Variants in TCF7L2 observed in about 807,000 individuals in gnomAD.
The protein encoded by TCF7L2 is transcription factor 7-like 2.
Under a neutral mutation model 77.9 loss-of-function variants are expected in TCF7L2, and 23 were observed. The observed-to-expected ratio is 0.30, with a 90% CI of 0.21 to 0.42. TCF7L2 has a LOEUF of 0.42. Ranked by LOEUF, TCF7L2 falls within the 10% of genes least tolerant of loss-of-function variation. The probability of loss-of-function intolerance (pLI) is 1.00; values close to 1 mark genes in which losing one functional copy is unlikely to be tolerated. For missense variants in TCF7L2, 654 were observed against 793.1 expected, an observed-to-expected ratio of 0.82 and a Z score of 2.11; for synonymous variants, 413 against 340.2, an observed-to-expected ratio of 1.21 and a Z score of -2.36.
chr10:113,024,012 C>G (rs1365530032), intron 4 of TCF7L2, among the ~76,000 whole-genome samples: 1 of 151,742 alleles, frequency 6.6e-6, no homozygotes, highest in Non-Finnish European at 1.5e-5. Context: ...GGTGTCCAAC[C>G]TGGTGCTGGG....
In TCF7L2 at chr10:112,964,710, AGATAATGATGAT is replaced by A. The variant is rs1370769709; in HGVS notation, c.450+90_450+101del. 7.1e-6 allele frequency: 7 copies of A among 983,170 alleles called. No individual in the cohort carries two copies. The African/African-American group carries it at 8.4e-5, about 12-fold the overall frequency. The allele number at this position is 983,170 out of a possible 1,614,324, so 60.9% of individuals were successfully genotyped here. A position where few individuals can be genotyped will look rare whatever the true frequency, so the allele number is the denominator to read the frequency against. ...TATTCTCCGCCCCTTCCCCCAACTG[AGATAATGATGAT>A]GATGATGATGATGATGATGGTGGTG... On this transcript the variant is annotated intron_variant, in intron 4 of 13. Transcript: ENST00000627217.
In TCF7L2 at chr10:113,148,356, G is replaced by A. The variant is rs116395684; in HGVS notation, c.875+2259G>A. On this transcript the variant is annotated intron_variant, in intron 8 of 13. Transcript: ENST00000627217. ...AGCGAGATCATGTATAAACCATAAT[G>A]TGGGTGCACCGTGGCTCACAAAAAA... Among the ~76,000 whole-genome samples the A allele has an allele frequency of 1.7e-3, 255 of 152,294 alleles. 1 individual carries two copies. The highest frequency in any genetic ancestry group is 5.8e-3 in the African/African-American group (239 of 41,560).
intron 8 of TCF7L2, among the ~76,000 whole-genome samples, chr10:113,150,534 A>G (rs906838809): frequency 1.3e-5 from 2 of 152,230 alleles, no homozygotes; most frequent in Non-Finnish European, 2.9e-5. Context: ...CTTGCACAGC[A>G]TTGTCAAAAA....
At chr10:112,951,438 G>T in intron 2 of TCF7L2, 45 bp from the exon 3 acceptor site, 1 of 1,364,666 alleles carries the variant, frequency 7.3e-7, no homozygotes, top group Non-Finnish European at 9.7e-7. Context: ...ACTCTCTCCC[G>T]CTCCGCGCGG....
At chr10:113,058,335 G>C (rs940465550) in intron 5 of TCF7L2, among the ~76,000 whole-genome samples, 1 of 152,196 alleles carries the variant, frequency 6.6e-6, no homozygotes, top group African/African-American at 2.4e-5. Flanking sequence ...AGGCCCTTTA[G>C]AGTAGAGATG....
chr10:113,089,248 G>A, intron 5 of TCF7L2: 1 of 904,596 alleles, frequency 1.1e-6, no homozygotes. Context: ...GGAGAGTTCT[G>A]ATTTGTGCTG....
At chr10:113,161,976 C>T (rs1002388518) in intron 13 of TCF7L2, among the ~76,000 whole-genome samples, 2 of 152,234 alleles carry the variant, frequency 1.3e-5, no homozygotes, top group African/African-American at 4.8e-5. Context: ...ACAGCGCTGA[C>T]AGATGTCCCT....
intron 5 of TCF7L2, among the ~76,000 whole-genome samples, chr10:113,068,201 A>T (rs1349611787): frequency 6.6e-6 from 1 of 152,244 alleles, no homozygotes; most frequent in East Asian, 1.9e-4. Flanking sequence ...AAAGTGGCTA[A>T]TGAAGTATAT....
At chr10:113,145,845 CTG>C (rs1240681270) in intron 7 of TCF7L2, among the ~76,000 whole-genome samples, 164 bp from the exon 8 acceptor site, 4 of 152,288 alleles carry the variant, frequency 2.6e-5, no homozygotes, top group East Asian at 3.9e-4. Context: ...TCAAATTGTT[CTG>C]TGTTTCTTCC....
intron 4 of TCF7L2, among the ~76,000 whole-genome samples, chr10:113,000,727 T>C (rs1232463547): frequency 1.3e-5 from 2 of 152,192 alleles, no homozygotes; most frequent in Non-Finnish European, 2.9e-5. Context: ...ATCCTAATTC[T>C]GTGAGAAGGC....
chr10:113,099,823 G>A (rs2061434893), intron 5 of TCF7L2, among the ~76,000 whole-genome samples: 1 of 152,126 alleles, frequency 6.6e-6, no homozygotes, highest in Admixed American at 6.6e-5. Flanking sequence ...AGTGGGAGCA[G>A]TGACCCTGGG....
At chr10:112,999,484 T>G (rs1028012809) in intron 4 of TCF7L2, among the ~76,000 whole-genome samples, 12 of 152,248 alleles carry the variant, frequency 7.9e-5, no homozygotes, top group African/African-American at 1.4e-4. Flanking sequence ...TGAGGCACTC[T>G]GCAGATACCA....
chr10:112,954,170 C>T (rs1589612749), intron 3 of TCF7L2, among the ~76,000 whole-genome samples: 1 of 144,176 alleles, frequency 6.9e-6, no homozygotes, highest in Non-Finnish European at 1.5e-5. Context: ...CTTCTGAAAT[C>T]CTTAGTGTTT....
chr10:112,957,026 A>G (rs1225527213), intron 3 of TCF7L2, among the ~76,000 whole-genome samples: 4 of 152,172 alleles, frequency 2.6e-5, no homozygotes, highest in South Asian at 4.2e-4. Flanking sequence ...GGCTATTGTT[A>G]TACACATTTA....
chr10:112,982,919 CT>C (rs1287039394), intron 4 of TCF7L2, among the ~76,000 whole-genome samples: 1 of 152,104 alleles, frequency 6.6e-6, no homozygotes, highest in Non-Finnish European at 1.5e-5. Flanking sequence ...GCCACTGCCC[CT>C]GGCCCCAGAA....
At chr10:113,046,389 A>T (rs974726492) in intron 5 of TCF7L2, among the ~76,000 whole-genome samples, 1 of 151,928 alleles carries the variant, frequency 6.6e-6, no homozygotes, top group Non-Finnish European at 1.5e-5. Context: ...ACTTCCAGAG[A>T]TGGGGGCTCT....
At chr10:113,064,090 G>A (rs2056911491) in intron 5 of TCF7L2, among the ~76,000 whole-genome samples, 1 of 152,200 alleles carries the variant, frequency 6.6e-6, no homozygotes, top group Non-Finnish European at 1.5e-5. Flanking sequence ...GTCAGGTGGA[G>A]TCCCTGCCAT....
intron 5 of TCF7L2, among the ~76,000 whole-genome samples, chr10:113,079,016 A>G (rs1029518795): frequency 6.6e-6 from 1 of 151,828 alleles, no homozygotes; most frequent in African/African-American, 2.4e-5. Context: ...TATTTTTAAT[A>G]GAGACGGGGG....
Position 112,951,026 on chromosome 10 carries a change from G to A in TCF7L2, c.189+81G>A. The stretch of plus-strand genomic sequence containing the variant: ...AATGTTGCTGAAAGGGGAGAAATCG[G>A]GGCTGGGGGCGGCGGCGGGGCCCGG... On this transcript the variant is annotated intron_variant, in intron 1 of 13. Coordinates refer to ENST00000627217, the MANE Select transcript of TCF7L2 (RefSeq NM_001146274.2). The A allele has an allele frequency of 2.7e-6, 4 of 1,508,842 alleles. No individual in the cohort carries two copies. The South Asian group carries it at 4.9e-5, about 19-fold the overall frequency. 93.5% of individuals were successfully genotyped at this position (1,508,842 alleles called of 1,614,324 possible).
Sources: gnomAD v4.1 joint callset for allele counts (sites outside exome capture counted in the v4.1 genomes callset) on GRCh38, gnomAD v4.1.1 for gene constraint, MANE v1.5 for transcripts, NCBI Gene and HGNC (gene_info 2026-07-23, HGNC 2026-07-21) for gene names.